TMEM38B: variants seen among roughly 807,000 people sequenced by gnomAD.
The protein encoded by TMEM38B is trimeric intracellular cation channel type B.
A neutral mutation model predicts 28.7 loss-of-function variants in TMEM38B; 24 were observed. That is an observed-to-expected ratio of 0.84 (90% CI 0.61 to 1.18). TMEM38B has a LOEUF of 1.18. TMEM38B is among the 50% of genes most tolerant of loss of function. The probability of loss-of-function intolerance (pLI) is 0.00; values close to 1 mark genes in which losing one functional copy is unlikely to be tolerated. For synonymous variants in TMEM38B, 131 were observed against 127.7 expected (o/e 1.03, Z -0.17); for missense variants, 380 against 350.9 (o/e 1.08, Z -0.66).
At chr9:105,745,128 G>C (rs925891556) in intron 4 of TMEM38B, among the ~76,000 whole-genome samples, 3 of 152,148 alleles carry the variant, frequency 2.0e-5, no homozygotes, top group African/African-American at 7.2e-5. Context: ...GGGTCAAATG[G>C]TATTTCTAGT....
intron 4 of TMEM38B, among the ~76,000 whole-genome samples, chr9:105,726,689 A>T (rs1371682257): frequency 6.6e-6 from 1 of 152,180 alleles, no homozygotes; most frequent in Non-Finnish European, 1.5e-5. Flanking sequence ...TAATCCTAGT[A>T]CTATGGGAGG....
intron 1 of TMEM38B, among the ~76,000 whole-genome samples, chr9:105,703,170 CCAGT>C (rs1283084964): frequency 6.6e-6 from 1 of 152,086 alleles, no homozygotes; most frequent in Non-Finnish European, 1.5e-5. Context: ...CTTCTAAATG[CCAGT>C]ACATTAAAAT....
chr9:105,762,247 AT>A (rs1293168218), intron 5 of TMEM38B, among the ~76,000 whole-genome samples: 122 of 150,644 alleles, frequency 8.1e-4, no homozygotes, highest in Middle Eastern at 3.4e-3. Flanking sequence ...CTGGCTATAA[AT>A]TTTTTTTTTA....
intron 5 of TMEM38B, among the ~76,000 whole-genome samples, chr9:105,773,472 A>G (rs1416075677): frequency 6.6e-6 from 1 of 152,218 alleles, no homozygotes; most frequent in Non-Finnish European, 1.5e-5. Flanking sequence ...CCACATCTCA[A>G]TGATGAGGGT....
chr9:105,755,517 C>A (rs1297816765), intron 5 of TMEM38B, among the ~76,000 whole-genome samples: 1 of 152,136 alleles, frequency 6.6e-6, no homozygotes, highest in Non-Finnish European at 1.5e-5. Context: ...GTTTGTTGTT[C>A]TTTTTCAGAA....
intron 3 of TMEM38B, among the ~76,000 whole-genome samples, chr9:105,722,138 A>T (rs1836341131): frequency 6.6e-6 from 1 of 152,178 alleles, no homozygotes; most frequent in African/African-American, 2.4e-5. Context: ...TGGGTTCATG[A>T]TCATTGAACT....
chr9:105,758,093 G>A lies in TMEM38B; in HGVS notation c.660+9903G>A, dbSNP rs371025651. Reference sequence around the variant, plus strand: ...AGGGCCAGTGGTTGTGCTGAGACTCGCCACTGCCCAGGCCGCTGGGCCTGA... The same window carrying A: ...AGGGCCAGTGGTTGTGCTGAGACTCACCACTGCCCAGGCCGCTGGGCCTGA... On this transcript the variant is annotated intron_variant, in intron 5 of 5. Transcript: ENST00000374692. 52 of 393,930 alleles carry A rather than the reference G, an allele frequency of 1.3e-4. No individual in the cohort carries two copies. The East Asian group carries it at 2.1e-3, about 16-fold the overall frequency. 24.4% of individuals were successfully genotyped at this position (393,930 alleles called of 1,614,324 possible). A position where few individuals can be genotyped will look rare whatever the true frequency, so the allele number is the denominator to read the frequency against.
chr9:105,707,585 C>A (rs1332376606), intron 2 of TMEM38B, among the ~76,000 whole-genome samples: 1 of 151,934 alleles, frequency 6.6e-6, no homozygotes, highest in Admixed American at 6.6e-5. Flanking sequence ...AAAAAGTAAT[C>A]CTGGGAACCT....
At chr9:105,762,588 C>G (rs940924357) in intron 5 of TMEM38B, among the ~76,000 whole-genome samples, 7 of 142,300 alleles carry the variant, frequency 4.9e-5, no homozygotes, top group Non-Finnish European at 1.1e-4. Flanking sequence ...GACATGAACT[C>G]ATCATTTTTT....
chr9:105,752,691 G>A (rs566792479), intron 5 of TMEM38B, among the ~76,000 whole-genome samples: 2 of 152,248 alleles, frequency 1.3e-5, no homozygotes, highest in South Asian at 4.2e-4. Flanking sequence ...AAGATCAAAG[G>A]TAGATAAGCC....
chr9:105,773,075 C>A (rs1220424777), intron 5 of TMEM38B, among the ~76,000 whole-genome samples: 1 of 152,146 alleles, frequency 6.6e-6, no homozygotes, highest in Non-Finnish European at 1.5e-5. Context: ...TCTGGAGGAA[C>A]TGACTCTTGG....
chr9:105,764,021 A>G (rs1279957973), intron 5 of TMEM38B, among the ~76,000 whole-genome samples: 1 of 150,718 alleles, frequency 6.6e-6, no homozygotes, highest in African/African-American at 2.4e-5. Context: ...GCCTTTGACA[A>G]AATTCAACAA....
chr9:105,765,220 G>A (rs1044817011), intron 5 of TMEM38B, among the ~76,000 whole-genome samples: 3 of 152,188 alleles, frequency 2.0e-5, no homozygotes, highest in Non-Finnish European at 2.9e-5. Flanking sequence ...AAAATTATTT[G>A]GGGTTTAGTT....
intron 3 of TMEM38B, 34 bp from the exon 4 acceptor site, chr9:105,722,500 G>A: frequency 1.3e-6 from 2 of 1,569,180 alleles, no homozygotes; most frequent in Non-Finnish European, 1.8e-6. Context: ...GGAAAATTTG[G>A]CCAAATATTC....
chr9:105,721,409 AG>A, intron 2 of TMEM38B, 127 bp from the exon 3 acceptor site: 1 of 726,772 alleles, frequency 1.4e-6, no homozygotes. Context: ...ATTGAAATCA[AG>A]TTAAATGTTT....
intron 2 of TMEM38B, chr9:105,710,790 C>T (rs927645552): frequency 8.2e-6 from 4 of 488,364 alleles, no homozygotes; most frequent in South Asian, 1.7e-5. Context: ...ATGAAGGCTG[C>T]GTGTCTCCAC....
intron 5 of TMEM38B, among the ~76,000 whole-genome samples, chr9:105,765,237 T>C (rs1208222661): frequency 6.6e-6 from 1 of 152,220 alleles, no homozygotes; most frequent in Non-Finnish European, 1.5e-5. Context: ...AGTTACAATT[T>C]AAAAAATGCT....
At chr9:105,745,842 T>C (rs914467830) in intron 4 of TMEM38B, among the ~76,000 whole-genome samples, 45 of 152,336 alleles carry the variant, frequency 3.0e-4, no homozygotes, top group African/African-American at 1.0e-3. Context: ...TAGGGAATCC[T>C]TTCCCCATTT....
chr9:105,732,015 G>A (rs935788255), intron 4 of TMEM38B, among the ~76,000 whole-genome samples: 5 of 152,100 alleles, frequency 3.3e-5, no homozygotes, highest in Non-Finnish European at 5.9e-5. Context: ...GGCATGAGAT[G>A]GTATCTCATT....
Sources: gnomAD v4.1 joint callset for allele counts (sites outside exome capture counted in the v4.1 genomes callset) on GRCh38, gnomAD v4.1.1 for gene constraint, MANE v1.5 for transcripts, NCBI Gene and HGNC (gene_info 2026-07-23, HGNC 2026-07-21) for gene names.